Variants in KANSL1 observed in about 807,000 individuals in gnomAD.
The protein encoded by KANSL1 is KAT8 regulatory NSL complex subunit 1, also known as MLL1/MLL complex subunit KANSL1.
A neutral mutation model predicts 103.6 loss-of-function variants in KANSL1; 22 were observed. That is an observed-to-expected ratio of 0.21 (90% CI 0.15 to 0.30). The LOEUF is 0.30. Among genes scored for constraint, KANSL1 ranks in the 10% least tolerant of loss-of-function variants. The probability of loss-of-function intolerance (pLI) is 1.00; values close to 1 mark genes in which losing one functional copy is unlikely to be tolerated. For missense variants in KANSL1, 1,337 were observed against 1,399.8 expected (o/e 0.96, Z 0.72); for synonymous variants, 600 against 527.6 (o/e 1.14, Z -1.88).
chr17:46,059,380 A>G (rs2078064108), intron 6 of KANSL1, among the ~76,000 whole-genome samples: 1 of 152,040 alleles, frequency 6.6e-6, no homozygotes, highest in Non-Finnish European at 1.5e-5. Context: ...GCACTTTGGG[A>G]GGCTGAGGCG....
intron 1 of KANSL1, among the ~76,000 whole-genome samples, chr17:46,179,483 C>G (rs2046680341): frequency 6.6e-6 from 1 of 152,164 alleles, no homozygotes; most frequent in Non-Finnish European, 1.5e-5. Context: ...AAAGCAAAAG[C>G]AAAAATCAGA....
intron 1 of KANSL1, among the ~76,000 whole-genome samples, chr17:46,215,969 G>A (rs573564576): frequency 6.6e-5 from 10 of 152,338 alleles, no homozygotes; most frequent in African/African-American, 2.4e-4. Context: ...GAACCTGGGA[G>A]GCAGAGGCTG....
At chr17:46,167,611 CAAG>C (rs1219304957) in intron 2 of KANSL1, among the ~76,000 whole-genome samples, 25 of 152,170 alleles carry the variant, frequency 1.6e-4, no homozygotes, top group African/African-American at 1.4e-4. Context: ...GAAAATTTTC[CAAG>C]AAGAGTTTAA....
intron 1 of KANSL1, among the ~76,000 whole-genome samples, chr17:46,188,360 G>T (rs1274440804): frequency 6.6e-6 from 1 of 152,210 alleles, no homozygotes; most frequent in Non-Finnish European, 1.5e-5. Context: ...ATAAACTATT[G>T]TTCTGCACAA....
intron 2 of KANSL1, among the ~76,000 whole-genome samples, chr17:46,135,135 A>C (rs565554043): frequency 1.3e-5 from 2 of 151,648 alleles, no homozygotes; most frequent in Admixed American, 6.6e-5. Context: ...TTTTTTGAAG[A>C]AGCACAGGGA....
intron 2 of KANSL1, among the ~76,000 whole-genome samples, chr17:46,112,301 A>C (rs1054752048): frequency 1.4e-5 from 2 of 140,468 alleles, no homozygotes; most frequent in Admixed American, 1.5e-4. Flanking sequence ...CCAGGAGGTG[A>C]AGGTTGCAGT....
intron 9 of KANSL1, 22 bp downstream of exon 9, chr17:46,039,005 G>A: frequency 2.6e-5 from 42 of 1,599,500 alleles, no homozygotes; most frequent in Non-Finnish European, 3.6e-5. Context: ...TGCAGGTAGA[G>A]GTGCCATGGG....
At chr17:46,132,330 T>C (rs750142018) in intron 2 of KANSL1, among the ~76,000 whole-genome samples, 6 of 152,208 alleles carry the variant, frequency 3.9e-5, no homozygotes, top group African/African-American at 1.2e-4. Context: ...ATAGTGTATA[T>C]AATGCGCTTT....
chr17:46,042,743 T>C (rs535195943), intron 7 of KANSL1: 1 of 148,476 alleles, frequency 6.7e-6, no homozygotes, highest in South Asian at 2.1e-4. Flanking sequence ...CTTCGAGGAC[T>C]GAATGTTAGG....
intron 3 of KANSL1, among the ~76,000 whole-genome samples, chr17:46,088,012 G>C (rs1402536404): frequency 6.6e-6 from 1 of 152,188 alleles, no homozygotes; most frequent in Non-Finnish European, 1.5e-5. Context: ...CTATGAAATA[G>C]CAACCGGTAG....
intron 2 of KANSL1, among the ~76,000 whole-genome samples, chr17:46,129,309 C>T (rs1199826103): frequency 2.0e-5 from 3 of 152,160 alleles, no homozygotes; most frequent in Non-Finnish European, 4.4e-5. Flanking sequence ...GGAAATTAAG[C>T]ACCTTAGGAG....
chr17:46,189,003 AGCCTGG>A (rs1353629365), intron 1 of KANSL1, among the ~76,000 whole-genome samples: 1 of 131,540 alleles, frequency 7.6e-6, no homozygotes, highest in Admixed American at 8.7e-5. Context: ...ACTGCACTCC[AGCCTGG>A]GCAACAGAGC....
At chr17:46,071,415 T>C (rs896260813) in intron 4 of KANSL1, among the ~76,000 whole-genome samples, 1 of 152,178 alleles carries the variant, frequency 6.6e-6, no homozygotes, top group Non-Finnish European at 1.5e-5. Flanking sequence ...CCATCATCAA[T>C]GCAAAGAGCT....
intron 6 of KANSL1, among the ~76,000 whole-genome samples, chr17:46,052,387 T>C: frequency 6.6e-6 from 1 of 151,988 alleles, no homozygotes; most frequent in East Asian, 1.9e-4. Flanking sequence ...GGTGGATCAC[T>C]TGAGGTCAGG....
intron 2 of KANSL1, among the ~76,000 whole-genome samples, chr17:46,154,762 G>T (rs1309808857): frequency 6.6e-6 from 1 of 152,216 alleles, no homozygotes; most frequent in Non-Finnish European, 1.5e-5. Context: ...GTGGTGGGGG[G>T]AAGGAGTAAA....
chr17:46,213,927 A>C (rs1446606870), intron 1 of KANSL1, among the ~76,000 whole-genome samples: 1 of 152,062 alleles, frequency 6.6e-6, no homozygotes, highest in Non-Finnish European at 1.5e-5. Flanking sequence ...AAAAAAAAAA[A>C]AACTAATATG....
intron 2 of KANSL1, among the ~76,000 whole-genome samples, chr17:46,153,367 A>C (rs2045231403): frequency 6.6e-6 from 1 of 152,272 alleles, no homozygotes; most frequent in Non-Finnish European, 1.5e-5. Flanking sequence ...TCGGTAAAAT[A>C]GTACACTCTT....
At position 46,030,773 on chromosome 17, in the gene KANSL1, GGAAGGGTAC is replaced by G. The variant is rs2076986337; in HGVS notation, c.*694_*702del. 6.6e-6 allele frequency: 1 copy of G among 152,358 alleles called. No individual in the cohort carries two copies. The highest frequency in any genetic ancestry group is 1.5e-5 in the Non-Finnish European group (1 of 68,262). The allele number at this position is 152,358 out of a possible 1,614,324, so 9.4% of individuals were successfully genotyped here. Reference sequence around the variant, plus strand: ...GTACATGGCATGGGAGAGCAGACAGGGAAGGGTACCAAGGGGCATGAGGAGGGGAACCTG... The same window carrying G: ...GTACATGGCATGGGAGAGCAGACAGGCAAGGGGCATGAGGAGGGGAACCTG... On this transcript the variant is annotated 3_prime_UTR_variant, in exon 15 of 15. Coordinates refer to ENST00000432791, the MANE Select transcript of KANSL1 (RefSeq NM_015443.4).
chr17:46,188,305 T>C (rs1404030846), intron 1 of KANSL1, among the ~76,000 whole-genome samples: 2 of 152,272 alleles, frequency 1.3e-5, no homozygotes, highest in Non-Finnish European at 1.5e-5. Flanking sequence ...TGATCTCACA[T>C]TTCAGGGAAT....
Sources: gnomAD v4.1 joint callset for allele counts (sites outside exome capture counted in the v4.1 genomes callset) on GRCh38, gnomAD v4.1.1 for gene constraint, MANE v1.5 for transcripts, NCBI Gene and HGNC (gene_info 2026-07-23, HGNC 2026-07-21) for gene names.